TBC1D16: variants seen among roughly 807,000 people sequenced by gnomAD.
TBC1D16 encodes the protein TBC1 domain family member 16.
A neutral mutation model predicts 74.7 loss-of-function variants in TBC1D16; 58 were observed. The observed-to-expected ratio is 0.78, with a 90% CI of 0.63 to 0.97. The LOEUF (loss-of-function observed/expected upper bound fraction) is 0.97, where lower values mean the gene tolerates loss of function less well. TBC1D16 is among the 50% of genes least tolerant of loss of function. The probability of loss-of-function intolerance (pLI) is 0.00; values close to 1 mark genes in which losing one functional copy is unlikely to be tolerated. For synonymous variants in TBC1D16, 493 were observed against 474.7 expected (o/e 1.04, Z -0.50); for missense variants, 1,014 against 1,079.5 (o/e 0.94, Z 0.85).
intron 1 of TBC1D16, among the ~76,000 whole-genome samples, chr17:80,023,337 A>G (rs1390028736): frequency 2.0e-5 from 3 of 149,818 alleles, no homozygotes; most frequent in Admixed American, 2.0e-4. Flanking sequence ...CTCCAGCGAC[A>G]GCTGCTCGGA....
intron 3 of TBC1D16, among the ~76,000 whole-genome samples, chr17:79,969,277 T>G (rs1310534925): frequency 6.6e-6 from 1 of 152,006 alleles, no homozygotes; most frequent in Non-Finnish European, 1.5e-5. Context: ...TCCCAGCTAC[T>G]CGGGAGGCTG....
intron 1 of TBC1D16, among the ~76,000 whole-genome samples, chr17:80,024,595 CACACCAT>C (rs1598443411): frequency 1.4e-5 from 2 of 143,864 alleles, no homozygotes; most frequent in African/African-American, 5.3e-5. Context: ...CCACACACCA[CACACCAT>C]AGACACACAC....
rs576337833 is a variant in TBC1D16, at chr17:79,996,959, G to A, written c.779+13201C>T. On this transcript the variant is annotated intron_variant, in intron 3 of 11. Coordinates refer to ENST00000310924, the MANE Select transcript of TBC1D16 (RefSeq NM_019020.4). ...GGGTGCTGCTACTCAGCAGTAGAAA[G>A]GAACAAGTTCTTGACACACAGGACA... is the stretch of plus-strand genomic sequence containing the variant. 2.6e-4 allele frequency among the ~76,000 whole-genome samples: 40 copies of A among 152,276 alleles called. No homozygotes were observed. In the South Asian group the frequency reaches 7.3e-3, roughly 28 times the overall value.
chr17:80,014,911 C>T (rs367552924), intron 1 of TBC1D16, among the ~76,000 whole-genome samples: 79 of 152,212 alleles, frequency 5.2e-4, no homozygotes, highest in East Asian at 2.1e-3. Flanking sequence ...CGACCTGGGA[C>T]GTATGAAATG....
rs972868043 is a variant in TBC1D16, at chr17:79,964,272, G to A, written c.780-11454C>T. Among the ~76,000 whole-genome samples the A allele has an allele frequency of 7.9e-5, 12 of 152,218 alleles. 1 individual carries two copies. The South Asian group carries it at 1.7e-3, about 21-fold the overall frequency. The stretch of plus-strand genomic sequence containing the variant: ...GTTACAGGCGTGAGCCACCATATCC[G>A]GCCAGTTGTTTTTTGTTGTTGTTGA... On this transcript the variant is annotated intron_variant, in intron 3 of 11. Coordinates refer to ENST00000310924, the MANE Select transcript of TBC1D16 (RefSeq NM_019020.4).
At chr17:79,964,265 C>T (rs1363912653) in intron 3 of TBC1D16, among the ~76,000 whole-genome samples, 1 of 152,182 alleles carries the variant, frequency 6.6e-6, no homozygotes, top group Non-Finnish European at 1.5e-5. Context: ...CGTGAGCCAC[C>T]ATATCCGGCC....
rs941023319 is a variant in TBC1D16, at chr17:79,932,589, A to G, written c.*8270T>C. ...TTTTAAAACTGCTAGACCATGTGCC[A>G]ATTCACATTGACTTGTAGCCACTAG... is the stretch of plus-strand genomic sequence containing the variant. On this transcript the variant is annotated 3_prime_UTR_variant, in exon 12 of 12. Coordinates refer to ENST00000310924, the MANE Select transcript of TBC1D16 (RefSeq NM_019020.4). 1.3e-5 allele frequency: 2 copies of G among 152,218 alleles called. No individual in the cohort carries two copies. The highest frequency in any genetic ancestry group is 4.8e-5 in the African/African-American group (2 of 41,450). The allele number at this position is 152,218 out of a possible 1,614,324, so 9.4% of individuals were successfully genotyped here. A position where few individuals can be genotyped will look rare whatever the true frequency, so the allele number is the denominator to read the frequency against.
At chr17:80,012,939 A>C (rs1017859162) in intron 2 of TBC1D16, among the ~76,000 whole-genome samples, 23 of 152,192 alleles carry the variant, frequency 1.5e-4, no homozygotes, top group African/African-American at 5.5e-4. Context: ...GGCACTGTGC[A>C]GCCGAGAGTC....
Position 79,979,899 on chromosome 17 carries a change from G to A in TBC1D16, c.780-27081C>T, listed in dbSNP as rs762770478. ...CTGGCTTCCAGGTGGTGGGCTCTGC[G>A]GGCCAGAGCTTGGGGCGCAGGAGGC... On this transcript the variant is annotated intron_variant, in intron 3 of 11. Coordinates refer to ENST00000310924, the MANE Select transcript of TBC1D16 (RefSeq NM_019020.4). The surrounding 1 kb of genome is among the most constrained non-coding windows in gnomAD (Gnocchi z 4.8). Among the ~76,000 whole-genome samples, 19 of 152,066 alleles carry A rather than the reference G, an allele frequency of 1.2e-4. No homozygotes were observed. Among genetic ancestry groups the A allele is most frequent in the African/African-American group, 4.1e-4 (17 of 41,410 alleles).
In TBC1D16 at chr17:79,939,964, C is replaced by CGCACGCACGTGTGCATGCAT. The variant is rs2031847142; in HGVS notation, c.*875_*894dup. 6.6e-6 allele frequency: 1 copy of CGCACGCACGTGTGCATGCAT among 152,204 alleles called. No individual in the cohort carries two copies. The highest frequency in any genetic ancestry group is 1.5e-5 in the Non-Finnish European group (1 of 68,044). The allele number at this position is 152,204 out of a possible 1,614,324, so 9.4% of individuals were successfully genotyped here. A position where few individuals can be genotyped will look rare whatever the true frequency, so the allele number is the denominator to read the frequency against. ...TCAGAGGATCTTGCAAACACAAACA[C>CGCACGCACGTGTGCATGCAT]GCACGCACGTGTGCATGCATGCATG... On this transcript the variant is annotated 3_prime_UTR_variant, in exon 12 of 12. Coordinates refer to ENST00000310924, the MANE Select transcript of TBC1D16 (RefSeq NM_019020.4).
intron 3 of TBC1D16, among the ~76,000 whole-genome samples, chr17:80,002,207 A>G (rs2035516987): frequency 6.6e-6 from 1 of 152,162 alleles, no homozygotes; most frequent in South Asian, 2.1e-4. Flanking sequence ...TCATTCTCAG[A>G]GACTGGACTC....
In TBC1D16 at chr17:80,005,420, C is replaced by T. The variant is rs148940427; in HGVS notation, c.779+4740G>A. ...CGCCCAACTGGCCTTTTAGGCTGGA[C>T]GGTAGCTTCCAGCACAGAAACCAAG... On this transcript the variant is annotated intron_variant, in intron 3 of 11. Coordinates refer to ENST00000310924, the MANE Select transcript of TBC1D16 (RefSeq NM_019020.4). Among the ~76,000 whole-genome samples, 7 of 152,324 alleles carry T rather than the reference C, an allele frequency of 4.6e-5. No individual in the cohort carries two copies. In the East Asian group the frequency reaches 5.8e-4, roughly 13 times the overall value.
At chr17:79,965,233 C>A (rs941244867) in intron 3 of TBC1D16, among the ~76,000 whole-genome samples, 1 of 151,998 alleles carries the variant, frequency 6.6e-6, no homozygotes, top group African/African-American at 2.4e-5. Context: ...ACATGTGCCA[C>A]CACGCCCGGC....
chr17:79,947,931 T>C, intron 8 of TBC1D16, 100 bp from the exon 9 acceptor site: 2 of 998,474 alleles, frequency 2.0e-6, no homozygotes, highest in Non-Finnish European at 2.9e-6. Flanking sequence ...CTTCCCTCGC[T>C]TGCCTTCACC....
At chr17:79,989,122 A>T (rs916041935) in intron 3 of TBC1D16, among the ~76,000 whole-genome samples, 1 of 152,244 alleles carries the variant, frequency 6.6e-6, no homozygotes, top group Non-Finnish European at 1.5e-5. Flanking sequence ...ACATGGCCCA[A>T]AGGACACCCC....
intron 3 of TBC1D16, among the ~76,000 whole-genome samples, chr17:79,977,930 C>T (rs913268862): frequency 2.6e-5 from 4 of 152,234 alleles, no homozygotes; most frequent in Non-Finnish European, 4.4e-5. Flanking sequence ...CTTCTGCTGC[C>T]GGGGTGGGAC....
chr17:79,952,615 A>T, intron 4 of TBC1D16, 42 bp downstream of exon 4: 1 of 1,552,348 alleles, frequency 6.4e-7, no homozygotes, highest in Non-Finnish European at 8.8e-7. Context: ...GGGAAAACAC[A>T]CACAGGCCAA....
chr17:79,999,591 G>A (rs1222875229), intron 3 of TBC1D16, among the ~76,000 whole-genome samples: 1 of 122,476 alleles, frequency 8.2e-6, no homozygotes, highest in Non-Finnish European at 1.6e-5. Context: ...TGCCCAGGCT[G>A]GAGTGCAGTG....
chr17:80,013,589 G>A lies in TBC1D16; in HGVS notation c.-42C>T, dbSNP rs929285949. ...CCATCCTCCGCATGCGTCGGCCCGG[G>A]CAGGGCTCGTCAAGACCTGCCTGGG... On this transcript the variant is annotated 5_prime_UTR_variant, in exon 2 of 12. Transcript: ENST00000310924. 6.9e-7 allele frequency: 1 copy of A among 1,453,266 alleles called. No homozygotes were observed. The highest frequency in any genetic ancestry group is 9.1e-7 in the Non-Finnish European group (1 of 1,099,508). The allele number at this position is 1,453,266 out of a possible 1,614,324, so 90.0% of individuals were successfully genotyped here.
Sources: gnomAD v4.1 joint callset for allele counts (sites outside exome capture counted in the v4.1 genomes callset) on GRCh38, gnomAD v4.1.1 for gene constraint, Gnocchi (gnomAD v3.1) non-coding constraint, MANE v1.5 for transcripts, NCBI Gene and HGNC (gene_info 2026-07-23, HGNC 2026-07-21) for gene names.